The following MERTK variants were observed in gnomAD, a reference collection of about 807,000 sequenced individuals.
MERTK encodes the protein MER proto-oncogene, tyrosine kinase.
MERTK carries 69 observed loss-of-function variants against 99.3 expected under a neutral mutation model. The ratio of observed to expected loss-of-function variants is 0.70; its 90% CI spans 0.57 to 0.85. The LOEUF (loss-of-function observed/expected upper bound fraction) is 0.85. Ranked by LOEUF, MERTK falls within the 40% of genes least tolerant of loss-of-function variation. The pLI, the probability that MERTK is intolerant of heterozygous loss-of-function variation, is 0.00. For missense variants in MERTK, 1,125 were observed against 1,249.4 expected (o/e 0.90, Z 1.50); for synonymous variants, 426 against 467.6 (o/e 0.91, Z 1.15).
intron 2 of MERTK, among the ~76,000 whole-genome samples, chr2:111,935,709 T>C (rs1684753161): frequency 6.6e-6 from 1 of 151,758 alleles, no homozygotes; most frequent in South Asian, 2.1e-4. Context: ...AATAGTAATG[T>C]ATGTATTTTG....
At chr2:111,912,476 T>C (rs1222928154) in intron 1 of MERTK, among the ~76,000 whole-genome samples, 1 of 152,202 alleles carries the variant, frequency 6.6e-6, no homozygotes, top group Non-Finnish European at 1.5e-5. Flanking sequence ...TCAAAACCCC[T>C]ATCCAAGTTA....
chr2:111,940,961 TA>T, intron 2 of MERTK: 1 of 640,940 alleles, frequency 1.6e-6, no homozygotes. Flanking sequence ...GTGAAGTTTC[TA>T]AATTCTGTTT....
intron 13 of MERTK, among the ~76,000 whole-genome samples, chr2:112,005,954 T>A (rs1432523941): frequency 2.6e-5 from 4 of 152,172 alleles, no homozygotes; most frequent in African/African-American, 9.7e-5. Flanking sequence ...TGAACTCGGC[T>A]CACTGCAACC....
At chr2:111,923,224 A>G (rs1316563628) in intron 1 of MERTK, among the ~76,000 whole-genome samples, 2 of 152,228 alleles carry the variant, frequency 1.3e-5, no homozygotes, top group Non-Finnish European at 2.9e-5. Flanking sequence ...ATGTTCAGAA[A>G]AACAGGGCAA....
chr2:112,008,007 G>A (rs1343674638), intron 13 of MERTK, among the ~76,000 whole-genome samples: 1 of 151,976 alleles, frequency 6.6e-6, no homozygotes, highest in Non-Finnish European at 1.5e-5. Flanking sequence ...TCTTTTATTA[G>A]TGAGCTGCAT....
intron 4 of MERTK, among the ~76,000 whole-genome samples, chr2:111,958,809 A>G (rs2872043): frequency 6.6e-6 from 1 of 152,172 alleles, no homozygotes; most frequent in South Asian, 2.1e-4. Flanking sequence ...CTGCTACTAT[A>G]GGATCCTACT....
chr2:111,928,676 G>T (rs962446624), intron 1 of MERTK, among the ~76,000 whole-genome samples: 4 of 152,218 alleles, frequency 2.6e-5, no homozygotes, highest in Admixed American at 1.3e-4. Context: ...AGTAGAGACA[G>T]GTTTTTGCCA....
chr2:111,918,821 CTCTTA>C (rs1475067880), intron 1 of MERTK, among the ~76,000 whole-genome samples: 3 of 152,046 alleles, frequency 2.0e-5, no homozygotes, highest in Non-Finnish European at 4.4e-5. Context: ...CAATATTCCA[CTCTTA>C]TCTTGGAGAG....
At chr2:111,924,683 G>C (rs1213807282) in intron 1 of MERTK, among the ~76,000 whole-genome samples, 1 of 152,104 alleles carries the variant, frequency 6.6e-6, no homozygotes, top group Non-Finnish European at 1.5e-5. Context: ...CTGGGATTCA[G>C]GGCTCTCCAC....
intron 10 of MERTK, among the ~76,000 whole-genome samples, chr2:111,998,439 G>A (rs1374965036): frequency 6.6e-6 from 1 of 152,184 alleles, no homozygotes; most frequent in Non-Finnish European, 1.5e-5. Flanking sequence ...GGGCACTGCG[G>A]TAGCCTGGAA....
At chr2:111,920,383 C>G (rs1208510203) in intron 1 of MERTK, among the ~76,000 whole-genome samples, 2 of 152,146 alleles carry the variant, frequency 1.3e-5, no homozygotes, top group Non-Finnish European at 2.9e-5. Context: ...TGACTCAGAG[C>G]CAGCCACCCG....
chr2:111,933,692 G>A lies in MERTK; in HGVS notation c.482+4152G>A, dbSNP rs966839341. On this transcript the variant is annotated intron_variant, in intron 2 of 18. Transcript: ENST00000295408. ...CTCATTCTTTAAATATGGCACAATC[G>A]TGAGTTACTAGAGACTGACCCTGTG... 2.0e-5 allele frequency among the ~76,000 whole-genome samples: 3 copies of A among 152,212 alleles called. No homozygotes were observed. In the South Asian group the frequency reaches 6.2e-4, roughly 32 times the overall value.
intron 6 of MERTK, 76 bp downstream of exon 6, chr2:111,968,328 G>A (rs1000522657): frequency 8.4e-7 from 1 of 1,191,824 alleles, no homozygotes; most frequent in African/African-American, 1.5e-5. Flanking sequence ...TCCTTCCAAG[G>A]ATGGGCATGG....
chr2:111,906,759 C>G (rs1031677316), intron 1 of MERTK, among the ~76,000 whole-genome samples: 2 of 152,194 alleles, frequency 1.3e-5, no homozygotes, highest in Non-Finnish European at 2.9e-5. Flanking sequence ...AAAAAAGAAG[C>G]TTTTTAGATT....
At chr2:112,022,017 A>T (rs1677360621) in intron 17 of MERTK, among the ~76,000 whole-genome samples, 1 of 152,140 alleles carries the variant, frequency 6.6e-6, no homozygotes, top group South Asian at 2.1e-4. Context: ...CACTAAGCAG[A>T]TGTGTGACGA....
chr2:111,987,352 C>T (rs535562228), intron 8 of MERTK, among the ~76,000 whole-genome samples: 4 of 152,280 alleles, frequency 2.6e-5, no homozygotes, highest in Middle Eastern at 3.4e-3. Context: ...ATATCTCAAA[C>T]GATGATACCT....
At chr2:111,943,940 C>T (rs963068629) in intron 2 of MERTK, among the ~76,000 whole-genome samples, 1 of 152,116 alleles carries the variant, frequency 6.6e-6, no homozygotes, top group African/African-American at 2.4e-5. Context: ...CCACAAATTT[C>T]CAAAATGCCT....
chr2:111,955,758 A>G (rs935487027), intron 4 of MERTK, among the ~76,000 whole-genome samples: 1 of 152,154 alleles, frequency 6.6e-6, no homozygotes, highest in African/African-American at 2.4e-5. Context: ...TTATTTCAAA[A>G]TAAAAAGTTT....
In MERTK at chr2:111,929,381, A is replaced by G; in HGVS notation, c.323A>G (p.His108Arg). Residue 108 changes from histidine to arginine, a missense_variant, in exon 2 of 19, where the codon CAT becomes CGT. Coordinates refer to ENST00000295408, the MANE Select transcript of MERTK (RefSeq NM_006343.3). Reference protein sequence around the residue: ...HTVGHIILSEHKGVKFNCSIS... With the variant: ...HTVGHIILSERKGVKFNCSIS... ...GTTGGACACATAATACTTTCTGAAC[A>G]TAAAGGTGTCAAATTTAATTGCTCA... 6.2e-7 allele frequency: 1 copy of G among 1,614,182 alleles called. No individual in the cohort carries two copies. The highest frequency in any genetic ancestry group is 1.1e-5 in the South Asian group (1 of 91,084).
Sources: gnomAD v4.1 joint callset for allele counts (sites outside exome capture counted in the v4.1 genomes callset) on GRCh38, gnomAD v4.1.1 for gene constraint, MANE v1.5 for transcripts, NCBI Gene and HGNC (gene_info 2026-07-23, HGNC 2026-07-21) for gene names.